Variants in ADAMTSL1 observed in about 807,000 individuals in gnomAD.
ADAMTSL1 encodes ADAMTS like 1, also known as ADAMTS-like protein 1.
In ADAMTSL1, 126 loss-of-function variants were observed where a neutral mutation model predicts 201.8. That is an observed-to-expected ratio of 0.62 (90% CI 0.54 to 0.72). The LOEUF is 0.72. ADAMTSL1 is among the 30% of genes least tolerant of loss of function. The pLI, the probability that ADAMTSL1 is intolerant of heterozygous loss-of-function variation, is 0.00. For missense variants in ADAMTSL1, 2,679 were observed against 2,277.8 expected, an observed-to-expected ratio of 1.18 and a Z score of -3.59; for synonymous variants, 1,121 against 903.4, an observed-to-expected ratio of 1.24 and a Z score of -4.32.
chr9:18,900,774 G>A (rs1157872675), intron 26 of ADAMTSL1, among the ~76,000 whole-genome samples: 1 of 150,550 alleles, frequency 6.6e-6, no homozygotes, highest in African/African-American at 2.4e-5. Flanking sequence ...GGGCCTATTG[G>A]CGGTGGGGGT....
chr9:18,053,065 C>A (rs908074549), intron 1 of ADAMTSL1, among the ~76,000 whole-genome samples: 13 of 152,154 alleles, frequency 8.5e-5, no homozygotes, highest in East Asian at 1.9e-4. Flanking sequence ...GGGTCAAAAT[C>A]AAAATCCATA....
chr9:18,531,251 C>A (rs187578541), intron 2 of ADAMTSL1, among the ~76,000 whole-genome samples: 32 of 152,164 alleles, frequency 2.1e-4, no homozygotes, highest in Non-Finnish European at 4.0e-4. Context: ...TCATGAAAAT[C>A]CAGATCACTC....
intron 2 of ADAMTSL1, among the ~76,000 whole-genome samples, chr9:18,437,679 T>C (rs1443519912): frequency 6.6e-6 from 1 of 152,104 alleles, no homozygotes; most frequent in South Asian, 2.1e-4. Flanking sequence ...CTAGATCATA[T>C]TATATTTGGC....
At chr9:18,327,690 T>A (rs1273256164) in intron 2 of ADAMTSL1, among the ~76,000 whole-genome samples, 1 of 152,244 alleles carries the variant, frequency 6.6e-6, no homozygotes, top group Non-Finnish European at 1.5e-5. Flanking sequence ...AATGGACTTA[T>A]AATCAGTTGA....
intron 1 of ADAMTSL1, among the ~76,000 whole-genome samples, chr9:18,055,391 G>A (rs1455509937): frequency 1.3e-5 from 2 of 152,124 alleles, no homozygotes; most frequent in Admixed American, 1.3e-4. Context: ...CCCCATCAAA[G>A]GAAGTGTGTA....
intron 1 of ADAMTSL1, among the ~76,000 whole-genome samples, chr9:18,017,769 G>T (rs1820319930): frequency 6.6e-6 from 1 of 151,898 alleles, no homozygotes; most frequent in Non-Finnish European, 1.5e-5. Flanking sequence ...TAGTTTATGT[G>T]GTTCTGTTTC....
chr9:17,977,846 G>T (rs1216396289), intron 1 of ADAMTSL1, among the ~76,000 whole-genome samples: 10 of 151,980 alleles, frequency 6.6e-5, no homozygotes, highest in Admixed American at 6.6e-4. Context: ...GGTCTATTTG[G>T]TCTAAAGCAT....
intron 2 of ADAMTSL1, among the ~76,000 whole-genome samples, chr9:18,289,172 T>TCTATCTAC (rs1554650791): frequency 0.22 from 30,089 of 137,732 alleles, 3,322 homozygotes; most frequent in Admixed American, 0.35. Flanking sequence ...TATCTATCTA[T>TCTATCTAC]CTACCTACCT....
intron 2 of ADAMTSL1, among the ~76,000 whole-genome samples, chr9:18,299,948 A>C (rs570131116): frequency 6.6e-6 from 1 of 152,322 alleles, no homozygotes; most frequent in African/African-American, 2.4e-5. Flanking sequence ...ACTAAGTAGA[A>C]GAGAGTGCAG....
intron 26 of ADAMTSL1, among the ~76,000 whole-genome samples, chr9:18,897,433 G>C (rs184480954): frequency 6.6e-6 from 1 of 152,056 alleles, no homozygotes; most frequent in Non-Finnish European, 1.5e-5. Flanking sequence ...CTCCCAACAG[G>C]GGTCTCCAGA....
intron 1 of ADAMTSL1, among the ~76,000 whole-genome samples, chr9:17,992,116 G>C (rs1336257636): frequency 6.6e-6 from 1 of 152,112 alleles, no homozygotes; most frequent in East Asian, 1.9e-4. Flanking sequence ...GGGCCATATA[G>C]AGTATGGGTA....
At chr9:18,319,009 G>C (rs1192576724) in intron 2 of ADAMTSL1, among the ~76,000 whole-genome samples, 1 of 152,150 alleles carries the variant, frequency 6.6e-6, no homozygotes, top group African/African-American at 2.4e-5. Context: ...AGGAATTTGA[G>C]ACTAGCCTGG....
At chr9:18,655,038 G>A (rs1360966709) in intron 7 of ADAMTSL1, among the ~76,000 whole-genome samples, 2 of 152,200 alleles carry the variant, frequency 1.3e-5, no homozygotes, top group Admixed American at 6.5e-5. Flanking sequence ...CCCCTTGCTG[G>A]CCCATCTGAG....
intron 19 of ADAMTSL1, among the ~76,000 whole-genome samples, chr9:18,789,130 T>C (rs4977432): frequency 0.14 from 22,057 of 152,182 alleles, 1,802 homozygotes; most frequent in Non-Finnish European, 0.19. Context: ...CATTTCCCCA[T>C]GTCTTCACGA....
At chr9:18,168,916 A>T (rs557909750) in intron 2 of ADAMTSL1, among the ~76,000 whole-genome samples, 8 of 151,672 alleles carry the variant, frequency 5.3e-5, no homozygotes, top group African/African-American at 1.7e-4. Flanking sequence ...TGGCTGCATA[A>T]ATGTCTTCTT....
At chr9:18,055,858 A>G (rs62553133) in intron 1 of ADAMTSL1, among the ~76,000 whole-genome samples, 2,549 of 152,368 alleles carry the variant, frequency 0.017, 44 homozygotes, top group South Asian at 0.075. Context: ...TTTAATATTC[A>G]AAATATGGGC....
chr9:18,735,453 T>C (rs1818447634), intron 15 of ADAMTSL1, among the ~76,000 whole-genome samples: 1 of 152,226 alleles, frequency 6.6e-6, no homozygotes, highest in South Asian at 2.1e-4. Context: ...AGCCCCACTA[T>C]CTGATCAGTC....
At chr9:18,456,350 C>T (rs1179343109) in intron 2 of ADAMTSL1, among the ~76,000 whole-genome samples, 2 of 152,196 alleles carry the variant, frequency 1.3e-5, no homozygotes, top group East Asian at 1.9e-4. Context: ...TCCTGCCACA[C>T]TGGAAATCCT....
rs555003045 is a variant in ADAMTSL1 at position 18,211,820 on chromosome 9, T to G, written c.207+47839T>G. Among the ~76,000 whole-genome samples, 9 of 152,336 alleles carry G rather than the reference T, an allele frequency of 5.9e-5. No individual in the cohort carries two copies. The East Asian group carries it at 1.5e-3, about 26-fold the overall frequency. On this transcript the variant is annotated intron_variant, in intron 2 of 29. Transcript: ENST00000680146. ...TTCAAATGTTCCATTGAAAATCAGA[T>G]AGTGAAACTTACACATTCCCAAAGC...
Sources: allele counts gnomAD v4.1 joint callset (sites outside exome capture counted in the v4.1 genomes callset), GRCh38; gene constraint gnomAD v4.1.1; transcripts MANE v1.5; gene names NCBI Gene and HGNC (gene_info 2026-07-23, HGNC 2026-07-21).